The following PRKG1 variants were observed in gnomAD, a reference collection of about 807,000 sequenced individuals.
PRKG1 encodes cGMP-dependent protein kinase 1.
In PRKG1, 35 loss-of-function variants were observed where a neutral mutation model predicts 88.1. The observed-to-expected ratio is 0.40, with a 90% CI of 0.30 to 0.53. The LOEUF is 0.53. Among genes scored for constraint, PRKG1 ranks in the 20% least tolerant of loss-of-function variants. PRKG1 has a pLI of 0.59. For missense variants in PRKG1, 540 were observed against 839.8 expected (o/e 0.64, Z 4.41); for synonymous variants, 303 against 292.5 (o/e 1.04, Z -0.37).
intron 2 of PRKG1, among the ~76,000 whole-genome samples, chr10:51,204,783 G>A (rs1449271204): frequency 1.3e-5 from 2 of 152,150 alleles, no homozygotes; most frequent in Non-Finnish European, 2.9e-5. Flanking sequence ...ATAGTGAGAT[G>A]TGAATGTGCT....
intron 5 of PRKG1, among the ~76,000 whole-genome samples, chr10:52,013,289 G>T (rs1844945540): frequency 6.6e-6 from 1 of 152,126 alleles, no homozygotes; most frequent in African/African-American, 2.4e-5. Flanking sequence ...CGTGGTGGTG[G>T]ACACCTGTAG....
At chr10:51,992,705 T>A (rs1445858728) in intron 5 of PRKG1, among the ~76,000 whole-genome samples, 2 of 152,174 alleles carry the variant, frequency 1.3e-5, no homozygotes, top group Non-Finnish European at 2.9e-5. Flanking sequence ...GGCCTAAAAT[T>A]ATGTAGCGTA....
At chr10:52,183,463 A>T (rs1390788042) in intron 9 of PRKG1, among the ~76,000 whole-genome samples, 1 of 152,200 alleles carries the variant, frequency 6.6e-6, no homozygotes, top group Non-Finnish European at 1.5e-5. Context: ...TCTCAAGGGC[A>T]GGTTCTTCCT....
At chr10:51,902,713 C>T (rs1375598842) in intron 4 of PRKG1, among the ~76,000 whole-genome samples, 1 of 152,026 alleles carries the variant, frequency 6.6e-6, no homozygotes, top group African/African-American at 2.4e-5. Flanking sequence ...AACAGCACAC[C>T]TATCATAAAC....
In PRKG1 at chr10:50,991,800, G is replaced by A. The variant is rs1322588322; in HGVS notation, c.266+156G>A. Among the ~76,000 whole-genome samples the A allele has an allele frequency of 6.6e-6, 1 of 151,910 alleles. No individual in the cohort carries two copies. The highest frequency in any genetic ancestry group is 1.5e-5 in the Non-Finnish European group (1 of 67,946). On this transcript the variant is annotated intron_variant, in intron 1 of 17. Transcript: ENST00000401604. The surrounding 1 kb of genome is among the most constrained non-coding windows in gnomAD (Gnocchi z 4.5). The stretch of plus-strand genomic sequence containing the variant: ...TGGCCCCGCGGCCCGGGAATGGGAA[G>A]TGTTTATTTTTATTTCTGCCCATCA...
chr10:51,703,996 T>C (rs781575939), intron 3 of PRKG1, among the ~76,000 whole-genome samples: 2 of 151,782 alleles, frequency 1.3e-5, no homozygotes, highest in Non-Finnish European at 2.9e-5. Flanking sequence ...AATACAAAAA[T>C]TAACCAGGTG....
chr10:51,968,013 A>G (rs1843615092), intron 5 of PRKG1, among the ~76,000 whole-genome samples: 1 of 152,210 alleles, frequency 6.6e-6, no homozygotes. Context: ...CAGAAGCCTT[A>G]GAGCTTAAGA....
At chr10:52,141,180 T>C (rs1837571836) in intron 8 of PRKG1, among the ~76,000 whole-genome samples, 3 of 152,156 alleles carry the variant, frequency 2.0e-5, no homozygotes, top group Admixed American at 2.0e-4. Flanking sequence ...GCAGGAAAGA[T>C]AAAATCTAGA....
chr10:51,868,173 G>A (rs1378663659), intron 4 of PRKG1, among the ~76,000 whole-genome samples: 1 of 152,130 alleles, frequency 6.6e-6, no homozygotes, highest in Non-Finnish European at 1.5e-5. Context: ...AAGCAAGGAC[G>A]ACTTATACAA....
chr10:52,253,129 T>C (rs1014692071), intron 10 of PRKG1, among the ~76,000 whole-genome samples: 15 of 151,938 alleles, frequency 9.9e-5, no homozygotes, highest in Non-Finnish European at 1.5e-4. Flanking sequence ...AATGAAGCAG[T>C]ATAAGGGACA....
chr10:51,580,860 C>T (rs947432914), intron 3 of PRKG1, among the ~76,000 whole-genome samples: 3 of 152,006 alleles, frequency 2.0e-5, no homozygotes, highest in Non-Finnish European at 2.9e-5. Flanking sequence ...CTACTTGACA[C>T]CAAGCGGGGT....
chr10:51,806,556 C>A (rs1440064433), intron 4 of PRKG1, among the ~76,000 whole-genome samples: 1 of 152,178 alleles, frequency 6.6e-6, no homozygotes, highest in African/African-American at 2.4e-5. Flanking sequence ...TTCCATCTGG[C>A]TACTCCATAA....
chr10:51,609,910 G>T (rs369648048), intron 3 of PRKG1, among the ~76,000 whole-genome samples: 66 of 152,094 alleles, frequency 4.3e-4, no homozygotes, highest in African/African-American at 1.5e-3. Context: ...CTAGGCGATG[G>T]GTTGATAGGT....
chr10:52,040,217 G>A (rs1264072537), intron 5 of PRKG1, among the ~76,000 whole-genome samples: 1 of 152,132 alleles, frequency 6.6e-6, no homozygotes, highest in Admixed American at 6.5e-5. Context: ...TTGCTATAGG[G>A]TTCATGAGAA....
intron 3 of PRKG1, among the ~76,000 whole-genome samples, chr10:51,638,615 T>C (rs928159886): frequency 6.6e-6 from 1 of 152,154 alleles, no homozygotes; most frequent in Admixed American, 6.5e-5. Context: ...TCAAAAGGCA[T>C]ATAGATAACC....
chr10:51,464,910 A>AT (rs1839856176), intron 2 of PRKG1, among the ~76,000 whole-genome samples: 1 of 136,544 alleles, frequency 7.3e-6, no homozygotes, highest in Admixed American at 7.4e-5. Context: ...AAAAAAAAAA[A>AT]GATAAGATCA....
intron 3 of PRKG1, among the ~76,000 whole-genome samples, chr10:51,674,499 T>G (rs549860070): frequency 6.6e-6 from 1 of 152,332 alleles, no homozygotes; most frequent in African/African-American, 2.4e-5. Context: ...CGTATTAAAT[T>G]TCTTATGATA....
At chr10:52,021,514 C>T (rs1845183895) in intron 5 of PRKG1, among the ~76,000 whole-genome samples, 1 of 152,146 alleles carries the variant, frequency 6.6e-6, no homozygotes, top group African/African-American at 2.4e-5. Flanking sequence ...AGATGTTCAA[C>T]ATTACTATTA....
At chr10:52,253,258 G>GT (rs1841225414) in intron 10 of PRKG1, 4 of 151,868 alleles carry the variant, frequency 2.6e-5, no homozygotes, top group Non-Finnish European at 5.9e-5. Context: ...TTACAACTTT[G>GT]TGAACTCTTA....
Sources: allele counts gnomAD v4.1 joint callset (sites outside exome capture counted in the v4.1 genomes callset), GRCh38; gene constraint gnomAD v4.1.1; non-coding constraint Gnocchi (gnomAD v3.1); transcripts MANE v1.5; gene names NCBI Gene and HGNC (gene_info 2026-07-23, HGNC 2026-07-21).